The following LHFPL3 variants were observed in gnomAD, a reference collection of about 807,000 sequenced individuals.
LHFPL3 encodes LHFPL tetraspan subfamily member 3 protein.
Under a neutral mutation model 19.3 loss-of-function variants are expected in LHFPL3, and 5 were observed. The ratio of observed to expected loss-of-function variants is 0.26; its 90% CI spans 0.14 to 0.54. LHFPL3 has a LOEUF of 0.54. Among genes scored for constraint, LHFPL3 ranks in the 20% least tolerant of loss-of-function variants. LHFPL3 has a pLI of 0.94. For missense variants in LHFPL3, 249 were observed against 307.4 expected (o/e 0.81, Z 1.42); for synonymous variants, 133 against 126.2 (o/e 1.05, Z -0.36).
chr7:104,828,310 C>T (rs1023086438), intron 2 of LHFPL3, among the ~76,000 whole-genome samples: 1 of 151,910 alleles, frequency 6.6e-6, no homozygotes, highest in African/African-American at 2.4e-5. Flanking sequence ...TCCCCACCAA[C>T]CTCAAATTCC....
At chr7:104,446,025 C>A (rs1236325093) in intron 1 of LHFPL3, among the ~76,000 whole-genome samples, 1 of 152,080 alleles carries the variant, frequency 6.6e-6, no homozygotes, top group Non-Finnish European at 1.5e-5. Flanking sequence ...TTAGTTGATG[C>A]CTTCTCAGTG....
chr7:104,807,732 G>A (rs1790390776), intron 2 of LHFPL3, among the ~76,000 whole-genome samples: 3 of 152,172 alleles, frequency 2.0e-5, no homozygotes, highest in African/African-American at 7.2e-5. Context: ...ACTGAGTCTG[G>A]CTCCCCTCTG....
At chr7:104,756,135 T>G (rs77115602) in intron 2 of LHFPL3, among the ~76,000 whole-genome samples, 1 of 151,950 alleles carries the variant, frequency 6.6e-6, no homozygotes, top group Non-Finnish European at 1.5e-5. Context: ...TTTGGGGACA[T>G]TGAAAAACAC....
chr7:104,615,521 T>C (rs1256256553), intron 1 of LHFPL3, among the ~76,000 whole-genome samples: 2 of 152,172 alleles, frequency 1.3e-5, no homozygotes, highest in African/African-American at 4.8e-5. Flanking sequence ...AATTCGGTGA[T>C]TCAGCTGCAT....
chr7:104,587,271 C>G (rs957722903), intron 1 of LHFPL3, among the ~76,000 whole-genome samples: 1 of 152,258 alleles, frequency 6.6e-6, no homozygotes, highest in South Asian at 2.1e-4. Context: ...CCTCCCCTCT[C>G]CCCACACCCC....
intron 1 of LHFPL3, among the ~76,000 whole-genome samples, chr7:104,400,414 C>T (rs1297644866): frequency 2.0e-5 from 3 of 152,250 alleles, no homozygotes; most frequent in African/African-American, 7.2e-5. Flanking sequence ...TTTGGTAGGT[C>T]AATTCTTTCA....
At chr7:104,693,889 C>T (rs992608481) in intron 1 of LHFPL3, among the ~76,000 whole-genome samples, 7 of 151,870 alleles carry the variant, frequency 4.6e-5, no homozygotes, top group African/African-American at 1.7e-4. Flanking sequence ...CCTGGGCCTC[C>T]CAAAGTGTTG....
chr7:104,515,840 A>AT (rs1793909675), intron 1 of LHFPL3, among the ~76,000 whole-genome samples: 2 of 152,116 alleles, frequency 1.3e-5, no homozygotes, highest in African/African-American at 4.8e-5. Flanking sequence ...TTGCAAGATC[A>AT]TTGTTCAAGG....
intron 1 of LHFPL3, among the ~76,000 whole-genome samples, chr7:104,458,388 T>C (rs1296880105): frequency 2.6e-5 from 4 of 152,166 alleles, no homozygotes; most frequent in Admixed American, 6.6e-5. Context: ...TTCCCCATTG[T>C]TTGTTTTTGT....
chr7:104,869,939 T>C (rs1430316577), intron 2 of LHFPL3, among the ~76,000 whole-genome samples: 1 of 152,132 alleles, frequency 6.6e-6, no homozygotes, highest in East Asian at 1.9e-4. Flanking sequence ...ATGTCCTTTG[T>C]AGGGACATGG....
chr7:104,861,850 A>G (rs891761048), intron 2 of LHFPL3, among the ~76,000 whole-genome samples: 3 of 152,194 alleles, frequency 2.0e-5, no homozygotes, highest in Non-Finnish European at 4.4e-5. Context: ...TTGGATTGGC[A>G]GAGACATCCA....
intron 1 of LHFPL3, among the ~76,000 whole-genome samples, chr7:104,700,330 C>T (rs1584486901): frequency 6.6e-6 from 1 of 152,194 alleles, no homozygotes; most frequent in African/African-American, 2.4e-5. Flanking sequence ...CACTCACCCA[C>T]GCCCCAAGGT....
chr7:104,665,559 A>G (rs1792317299), intron 1 of LHFPL3, among the ~76,000 whole-genome samples: 1 of 152,234 alleles, frequency 6.6e-6, no homozygotes, highest in African/African-American at 2.4e-5. Context: ...GTACAAAGCA[A>G]TTACATCAAG....
intron 1 of LHFPL3, among the ~76,000 whole-genome samples, chr7:104,586,656 A>C (rs1446975193): frequency 6.6e-6 from 1 of 152,176 alleles, no homozygotes; most frequent in African/African-American, 2.4e-5. Flanking sequence ...TAGTGGGTGA[A>C]AACATCTTTC....
chr7:104,493,318 T>C (rs1164737899), intron 1 of LHFPL3, among the ~76,000 whole-genome samples: 1 of 151,698 alleles, frequency 6.6e-6, no homozygotes, highest in Non-Finnish European at 1.5e-5. Context: ...CCCCAGGGAG[T>C]AGGGAGTATT....
chr7:104,391,199 T>C (rs1791059807), intron 1 of LHFPL3, among the ~76,000 whole-genome samples: 1 of 152,248 alleles, frequency 6.6e-6, no homozygotes, highest in Non-Finnish European at 1.5e-5. Flanking sequence ...TTAGATCCCA[T>C]TTGTCAATTT....
chr7:104,539,002 G>C lies in LHFPL3; in HGVS notation c.446-197673G>C, dbSNP rs1794438994. On this transcript the variant is annotated intron_variant, in intron 1 of 2. Transcript: ENST00000424859. Reference sequence around the variant, plus strand: ...CAACATTACTGGTTTTGAAGTTGGAGGAAATTGGCCACAAGTCAAGGAATT... The same window carrying C: ...CAACATTACTGGTTTTGAAGTTGGACGAAATTGGCCACAAGTCAAGGAATT... Among the ~76,000 whole-genome samples, 3 of 152,260 alleles carry C rather than the reference G, an allele frequency of 2.0e-5. No individual in the cohort carries two copies. In the South Asian group the frequency reaches 6.2e-4, roughly 32 times the overall value.
intron 1 of LHFPL3, among the ~76,000 whole-genome samples, chr7:104,405,716 C>G (rs1371325171): frequency 1.3e-5 from 2 of 152,140 alleles, no homozygotes; most frequent in African/African-American, 4.8e-5. Context: ...CCATTATCTT[C>G]TTGGCAACAT....
chr7:104,628,809 T>C (rs1541593), intron 1 of LHFPL3, among the ~76,000 whole-genome samples: 146,039 of 152,076 alleles, frequency 0.96, 70,356 homozygotes, highest in East Asian at 1. Context: ...AAGAACTGAC[T>C]CCGATTCTCC....
Sources: allele counts gnomAD v4.1 joint callset (sites outside exome capture counted in the v4.1 genomes callset), GRCh38; gene constraint gnomAD v4.1.1; transcripts MANE v1.5; gene names NCBI Gene and HGNC (gene_info 2026-07-23, HGNC 2026-07-21).